Variants in OR8H1 observed in about 807,000 individuals in gnomAD.
The protein encoded by OR8H1 is olfactory receptor family 8 subfamily H member 1.
For synonymous variants in OR8H1, 135 were observed against 134.5 expected, an observed-to-expected ratio of 1.00 and a Z score of -0.03; for missense variants, 388 against 374.1, an observed-to-expected ratio of 1.04 and a Z score of -0.31.
At position 56,292,072 on chromosome 11, in the gene OR8H1, C is replaced by T. The variant is rs557189048; in HGVS notation, c.-144G>A. On this transcript the variant is annotated 5_prime_UTR_variant, in exon 1 of 2. Coordinates refer to ENST00000641600, the MANE Select transcript of OR8H1 (RefSeq NM_001005199.2). ...CCATTTAAGGAGATAAAATTTTCTC[C>T]GATATAATATTTGTTTTCCTTGAGA... The T allele has an allele frequency of 3.3e-5, 5 of 152,002 alleles. No homozygotes were observed. Among genetic ancestry groups the T allele is most frequent in the East Asian group, 1.9e-4 (1 of 5,170 alleles). The allele number at this position is 152,002 out of a possible 1,614,324, so 9.4% of individuals were successfully genotyped here.
intron 1 of OR8H1, among the ~76,000 whole-genome samples, chr11:56,291,741 T>A (rs183752624): frequency 1.3e-5 from 2 of 152,178 alleles, no homozygotes; most frequent in South Asian, 4.1e-4. Flanking sequence ...ACTTAACCAA[T>A]CAAAATCAAA....
rs1489903700 is a variant in OR8H1 at position 56,290,224 on chromosome 11, A to C, written c.839T>G (p.Val280Gly). 11 of 1,612,514 alleles carry C rather than the reference A, an allele frequency of 6.8e-6. No homozygotes were observed. The highest frequency in any genetic ancestry group is 9.3e-6 in the Non-Finnish European group (11 of 1,179,532). Residue 280 changes from valine to glycine, a missense_variant, in exon 2 of 2, where the codon GTG (valine) becomes GGG (glycine). Transcript: ENST00000641600. ...DQVASVFYTI[V>G]IPMLNPLIYS... ...AATGAGTGGATTCAGCATGGGAATC[A>C]CAATAGTATAAAAAACAGAAGCCAC... is the stretch of plus-strand genomic sequence containing the variant.
rs775726023 is a variant in OR8H1, at chr11:56,290,857, A to T, written c.206T>A (p.Ile69Asn). 2 of 1,614,068 alleles carry T rather than the reference A, an allele frequency of 1.2e-6. No homozygotes were observed. Among genetic ancestry groups the T allele is most frequent in the Non-Finnish European group, 1.7e-6 (2 of 1,180,016 alleles). ...GATGACAGTTGAGTAACTGAGGTCA[A>T]TAAATGACAAGTGAGTAAGGAAAAA... ...MYFFLTHLSFIDLSYSTVITP... is the reference protein window; with the variant it reads ...MYFFLTHLSFNDLSYSTVITP... The change falls in exon 2 of 2, where the codon ATT becomes AAT. Residue 69 changes from isoleucine to asparagine, a missense_variant. Transcript: ENST00000641600.
chr11:56,290,688 G>C lies in OR8H1; in HGVS notation c.375C>G (p.Ile125Met), dbSNP rs752691732. Residue 125 changes from isoleucine to methionine, a missense_variant, in exon 2 of 2, where the codon ATC (isoleucine) becomes ATG (methionine). Coordinates refer to ENST00000641600, the MANE Select transcript of OR8H1 (RefSeq NM_001005199.2). Reference sequence around the variant, plus strand: ...TAACTGGGTAACGTAGAGGACTGCAGATAGCTACGTAGCGATCATAGGCCA... The same window carrying C: ...TAACTGGGTAACGTAGAGGACTGCACATAGCTACGTAGCGATCATAGGCCA... ...SSMAYDRYVA[I>M]CSPLRYPVIM... 1.9e-6 allele frequency: 3 copies of C among 1,614,058 alleles called. No homozygotes were observed. The Admixed American group carries it at 5.0e-5, about 27-fold the overall frequency.
At position 56,290,707 on chromosome 11, in the gene OR8H1, T is replaced by A. The variant is rs1565100452; in HGVS notation, c.356A>T (p.Tyr119Phe). ...AECFLLSSMAYDRYVAICSPL... is the reference protein window; with the variant it reads ...AECFLLSSMAFDRYVAICSPL... ...ACTGCAGATAGCTACGTAGCGATCATAGGCCATTGATGAGAGAAGAAAACA... is the reference window on the plus strand; with the variant it reads ...ACTGCAGATAGCTACGTAGCGATCAAAGGCCATTGATGAGAGAAGAAAACA... Residue 119 changes from tyrosine (Y) to phenylalanine (F), a missense_variant, in exon 2 of 2, where the codon TAT becomes TTT. Coordinates refer to ENST00000641600, the MANE Select transcript of OR8H1 (RefSeq NM_001005199.2). 1.9e-6 allele frequency: 3 copies of A among 1,614,046 alleles called. No homozygotes were observed. The highest frequency in any genetic ancestry group is 4.5e-5 in the East Asian group (2 of 44,870).
rs1854140815 is a variant in OR8H1, at chr11:56,290,811, G to A, written c.252C>T (p.Asn84=). Reference sequence around the variant, plus strand: ...AGGAAATATAGTTGGAAGTCAGTAAGTTCGCTAAGGTTTTAGGTGTGATGA... The same window carrying A: ...AGGAAATATAGTTGGAAGTCAGTAAATTCGCTAAGGTTTTAGGTGTGATGA... ...STVITPKTLA[N]LLTSNYISFM... The change falls in exon 2 of 2, where the codon AAC becomes AAT. Residue 84 remains asparagine (N), a synonymous_variant. Coordinates refer to ENST00000641600, the MANE Select transcript of OR8H1 (RefSeq NM_001005199.2). 1 of 1,614,150 alleles carries A rather than the reference G, an allele frequency of 6.2e-7. No homozygotes were observed. The highest frequency in any genetic ancestry group is 8.5e-7 in the Non-Finnish European group (1 of 1,180,000).
In OR8H1 at chr11:56,290,626, C is replaced by G. The variant is rs1353862797; in HGVS notation, c.437G>C (p.Gly146Ala). 1.5e-5 allele frequency: 25 copies of G among 1,613,990 alleles called. No individual in the cohort carries two copies. Among genetic ancestry groups the G allele is most frequent in the Admixed American group, 6.7e-5 (4 of 59,976 alleles). The change falls in exon 2 of 2, where the codon GGG becomes GCG. Residue 146 changes from glycine (G) to alanine (A), a missense_variant. By Grantham distance (60) the Gly-to-Ala change is moderately conservative (BLOSUM62 0). Transcript: ENST00000641600. ...GTTGATAAAGCTAATCACATAGGGC[C>G]CAGTGACAAGAGCGCAACACAGCCT... ...SKRLCCALVT[G>A]PYVISFINSF...
Position 56,292,227 on chromosome 11 carries a change from G to C in OR8H1, c.-299C>G, listed in dbSNP as rs1191776060. 6.6e-6 allele frequency: 1 copy of C among 152,144 alleles called. No individual in the cohort carries two copies. Among genetic ancestry groups the C allele is most frequent in the Non-Finnish European group, 1.5e-5 (1 of 68,026 alleles). 9.4% of individuals were successfully genotyped at this position (152,144 alleles called of 1,614,324 possible). ...AAGTTGTGTGTCAAAAGAACACTGGGAATCTCTGTGACTATAGGTAGATTA... is the reference window on the plus strand; with the variant it reads ...AAGTTGTGTGTCAAAAGAACACTGGCAATCTCTGTGACTATAGGTAGATTA... On this transcript the variant is annotated 5_prime_UTR_variant, in exon 1 of 2. Coordinates refer to ENST00000641600, the MANE Select transcript of OR8H1 (RefSeq NM_001005199.2).
chr11:56,288,979 T>C lies in OR8H1; in HGVS notation c.*1148A>G, dbSNP rs957287016. 6.6e-6 allele frequency: 1 copy of C among 152,110 alleles called. No homozygotes were observed. Among genetic ancestry groups the C allele is most frequent in the Non-Finnish European group, 1.5e-5 (1 of 67,966 alleles). 9.4% of individuals were successfully genotyped at this position (152,110 alleles called of 1,614,324 possible). On this transcript the variant is annotated 3_prime_UTR_variant, in exon 2 of 2. Transcript: ENST00000641600. ...ATATTTTTCAAATTTTCTCTAACAA[T>C]ATATGCTATTTTATTATAACTTAAT...
chr11:56,290,906 G>A lies in OR8H1; in HGVS notation c.157C>T (p.Leu53Phe), dbSNP rs750432894. ...VGMILIIRLD[L>F]QLHTPMYFFL... ...AAATACATGGGAGTGTGAAGCTGGAGGTCCAGGCGGATTATCAATATCATC... is the reference window on the plus strand; with the variant it reads ...AAATACATGGGAGTGTGAAGCTGGAAGTCCAGGCGGATTATCAATATCATC... Residue 53 changes from leucine (L) to phenylalanine (F), a missense_variant, in exon 2 of 2, where the codon CTC (leucine) becomes TTC (phenylalanine). By Grantham distance (22) the Leu-to-Phe change is conservative. Coordinates refer to ENST00000641600, the MANE Select transcript of OR8H1 (RefSeq NM_001005199.2). 2 of 1,614,138 alleles carry A rather than the reference G, an allele frequency of 1.2e-6. No individual in the cohort carries two copies. Among genetic ancestry groups the A allele is most frequent in the Non-Finnish European group, 1.7e-6 (2 of 1,180,016 alleles).
Position 56,290,651 on chromosome 11 carries a change from T to G in OR8H1, c.412A>C (p.Arg138=). ...PLRYPVIMSK[R]LCCALVTGPY... Reference sequence around the variant, plus strand: ...CCAGTGACAAGAGCGCAACACAGCCTTTTGGACATAATAACTGGGTAACGT... The same window carrying G: ...CCAGTGACAAGAGCGCAACACAGCCGTTTGGACATAATAACTGGGTAACGT... The change falls in exon 2 of 2, where the codon AGG becomes CGG. Residue 138 remains arginine, a synonymous_variant. Transcript: ENST00000641600. 6.2e-7 allele frequency: 1 copy of G among 1,614,074 alleles called. No individual in the cohort carries two copies. The highest frequency in any genetic ancestry group is 8.5e-7 in the Non-Finnish European group (1 of 1,180,010).
chr11:56,291,780 A>T (rs1240547460), intron 1 of OR8H1, among the ~76,000 whole-genome samples, 171 bp downstream of exon 1: 1 of 152,146 alleles, frequency 6.6e-6, no homozygotes, highest in Non-Finnish European at 1.5e-5. Context: ...TGATCAAAAT[A>T]TGTACTTTGC....
chr11:56,289,766 C>A lies in OR8H1; in HGVS notation c.*361G>T, dbSNP rs2134834451. 1 of 244,658 alleles carries A rather than the reference C, an allele frequency of 4.1e-6. No individual in the cohort carries two copies. The highest frequency in any genetic ancestry group is 4.9e-5 in the South Asian group (1 of 20,416). 15.2% of individuals were successfully genotyped at this position (244,658 alleles called of 1,614,324 possible). ...CCCCGCAAGTAGCTGGGATTACAGG[C>A]ATGCACCACCACACCCAGCTAATTT... On this transcript the variant is annotated 3_prime_UTR_variant, in exon 2 of 2. Coordinates refer to ENST00000641600, the MANE Select transcript of OR8H1 (RefSeq NM_001005199.2).
chr11:56,290,233 T>TA lies in OR8H1; in HGVS notation c.829dup (p.Tyr277LeufsTer14). 2 of 1,612,672 alleles carry TA rather than the reference T, an allele frequency of 1.2e-6. No individual in the cohort carries two copies. The highest frequency in any genetic ancestry group is 1.1e-5 in the South Asian group (1 of 90,798). On this transcript the variant is annotated frameshift_variant, in exon 2 of 2. Coordinates refer to ENST00000641600, the MANE Select transcript of OR8H1 (RefSeq NM_001005199.2). LOFTEE classifies it low-confidence loss of function (END_TRUNC). ...ATTCAGCATGGGAATCACAATAGTATAAAAAACAGAAGCCACTTGATCCCT... is the reference window on the plus strand; with the variant it reads ...ATTCAGCATGGGAATCACAATAGTATAAAAAAACAGAAGCCACTTGATCCCT...
Position 56,289,830 on chromosome 11 carries a change from G to A in OR8H1, c.*297C>T, listed in dbSNP as rs1361043605. ...TACAGACCACATTTCATCATGGCTA[G>A]GCTGGTCTTGAACTTCTGACCTCAT... On this transcript the variant is annotated 3_prime_UTR_variant, in exon 2 of 2. Coordinates refer to ENST00000641600, the MANE Select transcript of OR8H1 (RefSeq NM_001005199.2). 2.5e-6 allele frequency: 1 copy of A among 396,788 alleles called. No homozygotes were observed. Among genetic ancestry groups the A allele is most frequent in the Non-Finnish European group, 4.7e-6 (1 of 214,742 alleles). The allele number at this position is 396,788 out of a possible 1,614,324, so 24.6% of individuals were successfully genotyped here.
In OR8H1 at chr11:56,292,246, T is replaced by C. The variant is rs1268277750; in HGVS notation, c.-318A>G. 15 of 152,152 alleles carry C rather than the reference T, an allele frequency of 9.9e-5. No individual in the cohort carries two copies. Among genetic ancestry groups the C allele is most frequent in the Admixed American group, 9.8e-4 (15 of 15,274 alleles). The allele number at this position is 152,152 out of a possible 1,614,324, so 9.4% of individuals were successfully genotyped here. ...CACTGGGAATCTCTGTGACTATAGG[T>C]AGATTATTCTTTACCTCTCACTCTG... On this transcript the variant is annotated 5_prime_UTR_variant, in exon 1 of 2. Coordinates refer to ENST00000641600, the MANE Select transcript of OR8H1 (RefSeq NM_001005199.2).
rs767552104 is a variant in OR8H1 at position 56,290,973 on chromosome 11, T to G, written c.90A>C (p.Leu30=). The G allele has an allele frequency of 6.2e-7, 1 of 1,614,006 alleles. No individual in the cohort carries two copies. The change falls in exon 2 of 2, where the codon CTA becomes CTC. Residue 30 remains leucine, a synonymous_variant. Coordinates refer to ENST00000641600, the MANE Select transcript of OR8H1 (RefSeq NM_001005199.2). Reference sequence around the variant, plus strand: ...TAGTAATTAGGTATATCAGGAGAAATAGTATAAAGAGGGCCATCTGGACCT... The same window carrying G: ...TAGTAATTAGGTATATCAGGAGAAAGAGTATAAAGAGGGCCATCTGGACCT... The part of the protein sequence containing the change: ...SEEVQMALFI[L]FLLIYLITML...
Position 56,290,749 on chromosome 11 carries a change from A to G in OR8H1, c.314T>C (p.Phe105Ser), listed in dbSNP as rs377260019. ...AAGAAAACATTCAGCAGCTCCCAAGAAGACAAAAAAGAACATCTGGGCAAA... is the reference window on the plus strand; with the variant it reads ...AAGAAAACATTCAGCAGCTCCCAAGGAGACAAAAAAGAACATCTGGGCAAA... ...GCFAQMFFFV[F>S]LGAAECFLLS... The change falls in exon 2 of 2, where the codon TTC (phenylalanine) becomes TCC (serine). Residue 105 changes from phenylalanine to serine, a missense_variant. Phe to Ser is a radical substitution (Grantham distance 155). Coordinates refer to ENST00000641600, the MANE Select transcript of OR8H1 (RefSeq NM_001005199.2). 1 of 1,614,208 alleles carries G rather than the reference A, an allele frequency of 6.2e-7. No homozygotes were observed. The highest frequency in any genetic ancestry group is 2.2e-5 in the East Asian group (1 of 44,878).
At chr11:56,291,183 C>T (rs1032374789) in intron 1 of OR8H1, 99 bp from the exon 2 acceptor site, 15 of 706,624 alleles carry the variant, frequency 2.1e-5, no homozygotes, top group Admixed American at 6.1e-5. Context: ...CTATAAATTG[C>T]TAATACATTT....
Sources: allele counts gnomAD v4.1 joint callset (sites outside exome capture counted in the v4.1 genomes callset), GRCh38; gene constraint gnomAD v4.1.1; transcripts MANE v1.5; gene names NCBI Gene and HGNC (gene_info 2026-07-23, HGNC 2026-07-21).